Variants in OLFML2A observed in about 807,000 individuals in gnomAD.
OLFML2A encodes the protein olfactomedin-like protein 2A.
A neutral mutation model predicts 60.9 loss-of-function variants in OLFML2A; 47 were observed. The ratio of observed to expected loss-of-function variants is 0.77; its 90% CI spans 0.61 to 0.98. The LOEUF (loss-of-function observed/expected upper bound fraction) is 0.98. Ranked by LOEUF, OLFML2A falls within the 50% of genes least tolerant of loss-of-function variation. The pLI, the probability that OLFML2A is intolerant of heterozygous loss-of-function variation, is 0.00. For missense variants in OLFML2A, 922 were observed against 879.8 expected (o/e 1.05, Z -0.61); for synonymous variants, 372 against 375.0 (o/e 0.99, Z 0.09).
rs372676748 is a variant in OLFML2A, at chr9:124,789,792, G to A, written c.354+2554G>A. Among the ~76,000 whole-genome samples, 8 of 152,324 alleles carry A rather than the reference G, an allele frequency of 5.3e-5. 1 individual carries two copies. In the South Asian group the frequency reaches 1.4e-3, roughly 28 times the overall value. ...ATGAATGCCAAGCTCTCAAAATTGG[G>A]TGGGGAGTCAGGGGGAATGAATTTT... is the stretch of plus-strand genomic sequence containing the variant. On this transcript the variant is annotated intron_variant, in intron 2 of 7. Coordinates refer to ENST00000373580, the MANE Select transcript of OLFML2A (RefSeq NM_182487.4).
At chr9:124,794,646 G>C (rs1390499647) in intron 2 of OLFML2A, among the ~76,000 whole-genome samples, 2 of 151,922 alleles carry the variant, frequency 1.3e-5, no homozygotes, top group Admixed American at 6.6e-5. Flanking sequence ...TTTTGGAAGA[G>C]AGCCTCACTC....
intron 1 of OLFML2A, among the ~76,000 whole-genome samples, chr9:124,778,380 A>G (rs2131234175): frequency 6.6e-6 from 1 of 151,464 alleles, no homozygotes; most frequent in Middle Eastern, 3.5e-3. Flanking sequence ...AAGAAAAAAA[A>G]AAAATACTTA....
At chr9:124,807,692 GT>G in intron 6 of OLFML2A, 88 bp from the exon 7 acceptor site, 2 of 1,046,222 alleles carry the variant, frequency 1.9e-6, no homozygotes, top group Non-Finnish European at 2.7e-6. Flanking sequence ...AGAGATTTAA[GT>G]TAGACCCAGA....
intron 7 of OLFML2A, 70 bp from the exon 8 acceptor site, chr9:124,809,738 T>G (rs1402565435): frequency 6.6e-7 from 1 of 1,518,830 alleles, no homozygotes; most frequent in African/African-American, 1.4e-5. Flanking sequence ...GAGCCCTTGG[T>G]GGGCTCAGGG....
intron 1 of OLFML2A, among the ~76,000 whole-genome samples, chr9:124,778,637 AT>A: frequency 6.7e-6 from 1 of 150,194 alleles, no homozygotes; most frequent in African/African-American, 2.5e-5. Context: ...AAAAAAAAAA[AT>A]TAAATTAAAT....
intron 7 of OLFML2A, among the ~76,000 whole-genome samples, chr9:124,808,838 C>T (rs1013750121): frequency 5.3e-5 from 8 of 151,874 alleles, no homozygotes; most frequent in South Asian, 2.1e-4. Flanking sequence ...GACTTAACCC[C>T]GAGAGCCATG....
chr9:124,785,459 G>A lies in OLFML2A; in HGVS notation c.91-1516G>A, dbSNP rs1288842897. 8.8e-5 allele frequency among the ~76,000 whole-genome samples: 12 copies of A among 136,400 alleles called. No homozygotes were observed. The South Asian group carries it at 2.7e-3, about 30-fold the overall frequency. 89.5% of individuals were successfully genotyped at this position (136,400 alleles called of 152,430 possible). On this transcript the variant is annotated intron_variant, in intron 1 of 7. Transcript: ENST00000373580. ...GTCACCCAGGCTGGAGTGCAGTGGC[G>A]CGATCTCGGCTCACTGCAAGCTCTG... is the stretch of plus-strand genomic sequence containing the variant.
At position 124,783,847 on chromosome 9, in the gene OLFML2A, A is replaced by G. The variant is rs181761230; in HGVS notation, c.91-3128A>G. ...CAGAATATACACAAACTCAGATCTC[A>G]TATTTCAGGTACTAATAGGTGCAGT... is the stretch of plus-strand genomic sequence containing the variant. On this transcript the variant is annotated intron_variant, in intron 1 of 7. Coordinates refer to ENST00000373580, the MANE Select transcript of OLFML2A (RefSeq NM_182487.4). Among the ~76,000 whole-genome samples, 12 of 152,292 alleles carry G rather than the reference A, an allele frequency of 7.9e-5. No individual in the cohort carries two copies. In the East Asian group the frequency reaches 2.3e-3, roughly 29 times the overall value.
Position 124,810,144 on chromosome 9 carries a change from C to G in OLFML2A, c.1691C>G (p.Thr564Ser). The change falls in exon 8 of 8, where the codon ACC becomes AGC. Residue 564 changes from threonine to serine, a missense_variant. Physicochemically the swap from Thr to Ser is moderately conservative, Grantham distance 58 (BLOSUM62 1). Coordinates refer to ENST00000373580, the MANE Select transcript of OLFML2A (RefSeq NM_182487.4). ...DPGDLSVHRE[T>S]TWKTRLRRNS... is the part of the protein sequence containing the mutation. ...GGCGATCTCTCCGTGCACCGGGAGA[C>G]CACGTGGAAGACACGGCTGCGGCGG... 1 of 1,613,918 alleles carries G rather than the reference C, an allele frequency of 6.2e-7. No homozygotes were observed.
intron 2 of OLFML2A, among the ~76,000 whole-genome samples, chr9:124,789,388 C>T (rs1841534086): frequency 6.6e-6 from 1 of 152,318 alleles, no homozygotes; most frequent in African/African-American, 2.4e-5. Context: ...GATGCAGCCT[C>T]CTGGTTCAAA....
intron 5 of OLFML2A, 49 bp downstream of exon 5, chr9:124,801,712 C>T (rs945392869): frequency 6.4e-7 from 1 of 1,570,590 alleles, no homozygotes; most frequent in Non-Finnish European, 8.7e-7. Context: ...ATGGATGCCT[C>T]CTAGGAATCC....
In OLFML2A at chr9:124,777,451, G is replaced by A. The variant is rs536168805; in HGVS notation, c.90+91G>A. 13 of 1,175,580 alleles carry A rather than the reference G, an allele frequency of 1.1e-5. No individual in the cohort carries two copies. The South Asian group carries it at 2.5e-4, about 23-fold the overall frequency. The allele number at this position is 1,175,580 out of a possible 1,614,324, so 72.8% of individuals were successfully genotyped here. A position where few individuals can be genotyped will look rare whatever the true frequency, so the allele number is the denominator to read the frequency against. On this transcript the variant is annotated intron_variant, in intron 1 of 7. Transcript: ENST00000373580. This position sits in a 1 kb window ranked among gnomAD's most constrained non-coding sequence, Gnocchi z 6.2. Reference sequence around the variant, plus strand: ...GGGTGCGGCCCGGGAGGGAGCCCGGGGCCAGGGCGGAGGAGCCGGGAGCTG... The same window carrying A: ...GGGTGCGGCCCGGGAGGGAGCCCGGAGCCAGGGCGGAGGAGCCGGGAGCTG...
chr9:124,807,275 T>C lies in OLFML2A; in HGVS notation c.1169-506T>C, dbSNP rs114730163. Among the ~76,000 whole-genome samples the C allele has an allele frequency of 2.4e-3, 346 of 145,878 alleles. 1 individual carries two copies. The highest frequency in any genetic ancestry group is 8.3e-3 in the African/African-American group (326 of 39,122). ...ATAATGAATAATATAACTTTGAAGA[T>C]TTTTATTTTCTCCATTCTCTTTTTT... On this transcript the variant is annotated intron_variant, in intron 6 of 7. Transcript: ENST00000373580.
At chr9:124,795,589 G>A (rs574093867) in intron 3 of OLFML2A, among the ~76,000 whole-genome samples, 1 of 152,276 alleles carries the variant, frequency 6.6e-6, no homozygotes, top group East Asian at 1.9e-4. Context: ...GACCAGCTTG[G>A]CCAATATGAT....
intron 2 of OLFML2A, among the ~76,000 whole-genome samples, chr9:124,794,677 A>AG (rs1392437872): frequency 6.6e-6 from 1 of 152,092 alleles, no homozygotes; most frequent in Non-Finnish European, 1.5e-5. Context: ...GCTGGAGTGC[A>AG]GTGGCGTGAT....
intron 2 of OLFML2A, among the ~76,000 whole-genome samples, chr9:124,790,560 GC>G (rs1481348891): frequency 6.6e-6 from 1 of 152,088 alleles, no homozygotes; most frequent in African/African-American, 2.4e-5. Flanking sequence ...AGTCCCTTAG[GC>G]CTTCTCAGTG....
intron 2 of OLFML2A, 142 bp from the exon 3 acceptor site, chr9:124,794,882 A>G: frequency 1.9e-6 from 1 of 516,762 alleles, no homozygotes; most frequent in East Asian, 3.2e-5. Flanking sequence ...TGGGCCTCCC[A>G]AAGTGCTGGG....
chr9:124,803,097 C>T (rs1193082897), intron 5 of OLFML2A, among the ~76,000 whole-genome samples: 4 of 151,710 alleles, frequency 2.6e-5, no homozygotes, highest in African/African-American at 7.3e-5. Flanking sequence ...TTAGTAGAGA[C>T]GGGGTTTCGT....
chr9:124,783,070 C>A (rs1841390948), intron 1 of OLFML2A, among the ~76,000 whole-genome samples: 1 of 147,984 alleles, frequency 6.8e-6, no homozygotes, highest in African/African-American at 2.5e-5. Context: ...AAGAATTGGC[C>A]CAGAGTTACA....
Sources: gnomAD v4.1 joint callset for allele counts (sites outside exome capture counted in the v4.1 genomes callset) on GRCh38, gnomAD v4.1.1 for gene constraint, Gnocchi (gnomAD v3.1) non-coding constraint, MANE v1.5 for transcripts, NCBI Gene and HGNC (gene_info 2026-07-23, HGNC 2026-07-21) for gene names.